CLVS1: variants seen among roughly 807,000 people sequenced by gnomAD.
CLVS1 encodes clavesin 1.
Under a neutral mutation model 33.1 loss-of-function variants are expected in CLVS1, and 10 were observed. The observed-to-expected ratio is 0.30, with a 90% CI of 0.19 to 0.51. CLVS1 has a LOEUF of 0.51. Among genes scored for constraint, CLVS1 ranks in the 20% least tolerant of loss-of-function variants. CLVS1 has a pLI of 0.97. For synonymous variants in CLVS1, 163 were observed against 166.1 expected (o/e 0.98, Z 0.14); for missense variants, 343 against 433.4 (o/e 0.79, Z 1.85).
rs554528809 is a variant in CLVS1, at chr8:61,280,264, G to A, written c.-151-19413G>A. The stretch of plus-strand genomic sequence containing the variant: ...ATCATAAGTTTTATAAATGTTATTA[G>A]AAGTTTATGGTAAGTTTTATGAGAA... On this transcript the variant is annotated intron_variant, in intron 2 of 2. Transcript: ENST00000522621. 2.3e-3 allele frequency among the ~76,000 whole-genome samples: 349 copies of A among 152,308 alleles called. 1 individual carries two copies. Among genetic ancestry groups the A allele is most frequent in the African/African-American group, 8.0e-3 (333 of 41,564 alleles).
intron 2 of CLVS1, among the ~76,000 whole-genome samples, chr8:61,362,720 C>T (rs1299471873): frequency 6.6e-6 from 1 of 152,176 alleles, no homozygotes; most frequent in African/African-American, 2.4e-5. Flanking sequence ...TACAAAGATT[C>T]CTGTTAGCTC....
At chr8:61,001,054 T>A in the CLVS1 span, among the ~76,000 whole-genome samples, 1 of 152,204 alleles carries the variant, frequency 6.6e-6, no homozygotes, top group Admixed American at 6.5e-5. Flanking sequence ...TTATTATCAT[T>A]ATTATTTTAG....
At chr8:61,047,709 G>A in the CLVS1 span, among the ~76,000 whole-genome samples, 38 of 152,216 alleles carry the variant, frequency 2.5e-4, no homozygotes, top group Admixed American at 9.8e-4. Flanking sequence ...ACCAAACACC[G>A]CATGTTCTCA....
At chr8:60,998,012 G>A in the CLVS1 span, among the ~76,000 whole-genome samples, 3 of 152,076 alleles carry the variant, frequency 2.0e-5, no homozygotes, top group African/African-American at 7.2e-5. Flanking sequence ...CAGGTTGGAA[G>A]GAAGGCGTCA....
intron 4 of CLVS1, among the ~76,000 whole-genome samples, chr8:61,456,844 G>A (rs1159580347): frequency 4.0e-5 from 6 of 151,614 alleles, no homozygotes; most frequent in Non-Finnish European, 5.9e-5. Context: ...CATGAACCTG[G>A]GAGGGGGAGC....
intron 2 of CLVS1, among the ~76,000 whole-genome samples, chr8:61,153,993 T>A (rs1806599066): frequency 6.6e-6 from 1 of 152,030 alleles, no homozygotes; most frequent in Non-Finnish European, 1.5e-5. Flanking sequence ...TTTTTAAGAG[T>A]GAATATCTGG....
chr8:61,495,198 C>T (rs1033723785), intron 5 of CLVS1, among the ~76,000 whole-genome samples: 2 of 152,042 alleles, frequency 1.3e-5, no homozygotes, highest in Non-Finnish European at 2.9e-5. Flanking sequence ...TTTCTTCATT[C>T]CTTTCCTTTC....
Position 61,190,964 on chromosome 8 carries a change from A to C in CLVS1, c.-152+59104A>C, listed in dbSNP as rs536964196. Among the ~76,000 whole-genome samples, 6 of 152,224 alleles carry C rather than the reference A, an allele frequency of 3.9e-5. No homozygotes were observed. In the South Asian group the frequency reaches 1.2e-3, roughly 32 times the overall value. On this transcript the variant is annotated intron_variant, in intron 2 of 2. Coordinates refer to the CLVS1 transcript ENST00000522621. ...AGAGGTACAACGAAGAGCTGGTACCATTCCCTCTGAAACTATTCCAATCAA... is the reference window on the plus strand; with the variant it reads ...AGAGGTACAACGAAGAGCTGGTACCCTTCCCTCTGAAACTATTCCAATCAA...
chr8:61,215,967 G>A (rs1264319993), intron 2 of CLVS1, among the ~76,000 whole-genome samples: 4 of 152,058 alleles, frequency 2.6e-5, no homozygotes, highest in African/African-American at 7.2e-5. Flanking sequence ...CTGAGCAGTG[G>A]AAACCCAATC....
chr8:61,334,866 A>G (rs765098180), intron 2 of CLVS1, among the ~76,000 whole-genome samples: 9 of 152,198 alleles, frequency 5.9e-5, no homozygotes, highest in Non-Finnish European at 1.0e-4. Context: ...CAATAGAGAA[A>G]GAGTAATTCA....
At chr8:60,989,901 G>A in the CLVS1 span, among the ~76,000 whole-genome samples, 13 of 151,918 alleles carry the variant, frequency 8.6e-5, no homozygotes, top group South Asian at 8.4e-4. Context: ...CGAGGCGGGC[G>A]GATCATGAGG....
At chr8:61,216,829 G>T (rs532214307) in intron 2 of CLVS1, among the ~76,000 whole-genome samples, 11 of 152,206 alleles carry the variant, frequency 7.2e-5, no homozygotes, top group Admixed American at 2.0e-4. Flanking sequence ...TGAAATTTGG[G>T]CAGATTTCTT....
chr8:61,190,467 G>A (rs539248742), intron 2 of CLVS1, among the ~76,000 whole-genome samples: 116 of 152,256 alleles, frequency 7.6e-4, no homozygotes, highest in African/African-American at 2.6e-3. Context: ...GAAAGAACTA[G>A]GGAAGCAAGA....
intron 1 of CLVS1, among the ~76,000 whole-genome samples, chr8:61,294,642 A>G (rs1468905813): frequency 6.6e-6 from 1 of 152,176 alleles, no homozygotes; most frequent in Non-Finnish European, 1.5e-5. Flanking sequence ...AAAAAAGATA[A>G]TTGATATAAA....
chr8:61,098,911 G>A (rs999030558), intron 1 of CLVS1, among the ~76,000 whole-genome samples: 1 of 152,162 alleles, frequency 6.6e-6, no homozygotes, highest in African/African-American at 2.4e-5. Flanking sequence ...TTATTGAAAT[G>A]TAAAGCCTAT....
chr8:61,288,217 C>A (rs962484784), intron 1 of CLVS1, 79 bp downstream of exon 1: 3 of 456,214 alleles, frequency 6.6e-6, no homozygotes, highest in African/African-American at 2.0e-5. Context: ...GCCATGGCTG[C>A]GGCGTTTCAG....
chr8:61,489,519 G>T (rs7827240), intron 5 of CLVS1, among the ~76,000 whole-genome samples: 1,624 of 152,238 alleles, frequency 0.011, 24 homozygotes, highest in African/African-American at 0.037. Flanking sequence ...TTTATTTATT[G>T]ATTGATTGAT....
intron 2 of CLVS1, among the ~76,000 whole-genome samples, chr8:61,166,463 T>G (rs1806867777): frequency 6.6e-6 from 1 of 152,180 alleles, no homozygotes; most frequent in Non-Finnish European, 1.5e-5. Context: ...TGGTCTCATG[T>G]GCTTATTTGT....
At chr8:61,235,178 A>C (rs1808530052) in intron 2 of CLVS1, among the ~76,000 whole-genome samples, 1 of 152,208 alleles carries the variant, frequency 6.6e-6, no homozygotes, top group African/African-American at 2.4e-5. Flanking sequence ...TTGTGGAGTA[A>C]AGACTTCAAA....
Sources: allele counts gnomAD v4.1 joint callset (sites outside exome capture counted in the v4.1 genomes callset), GRCh38; gene constraint gnomAD v4.1.1; transcripts MANE v1.5; gene names NCBI Gene and HGNC (gene_info 2026-07-23, HGNC 2026-07-21).